VRK2: variants seen among roughly 807,000 people sequenced by gnomAD.
The protein encoded by VRK2 is serine/threonine-protein kinase VRK2.
In VRK2, 60 loss-of-function variants were observed where a neutral mutation model predicts 57.6. That is an observed-to-expected ratio of 1.04 (90% CI 0.85 to 1.29). The LOEUF (loss-of-function observed/expected upper bound fraction) is 1.29. VRK2 is among the 50% of genes most tolerant of loss of function. VRK2 has a pLI of 0.00. For missense variants in VRK2, 705 were observed against 588.1 expected (o/e 1.20, Z -2.06); for synonymous variants, 231 against 199.2 (o/e 1.16, Z -1.35).
intron 11 of VRK2, among the ~76,000 whole-genome samples, chr2:58,143,772 C>T (rs1472085803): frequency 2.0e-5 from 3 of 151,790 alleles, no homozygotes; most frequent in Admixed American, 6.6e-5. Context: ...GAGGTATCTG[C>T]ACTCCCATGT....
At chr2:58,008,616 A>T (rs1673326916) in intron 1 of VRK2, among the ~76,000 whole-genome samples, 1 of 152,146 alleles carries the variant, frequency 6.6e-6, no homozygotes, top group African/African-American at 2.4e-5. Flanking sequence ...AAAGAAAAAG[A>T]AAAAGGAATT....
At chr2:58,040,804 T>C (rs895168506) in intron 3 of VRK2, among the ~76,000 whole-genome samples, 1 of 152,190 alleles carries the variant, frequency 6.6e-6, no homozygotes, top group Non-Finnish European at 1.5e-5. Context: ...ATGGAGCACA[T>C]CTGAGATAGT....
intron 1 of VRK2, among the ~76,000 whole-genome samples, chr2:57,936,015 G>A (rs1007350263): frequency 4.6e-5 from 7 of 152,148 alleles, no homozygotes; most frequent in Middle Eastern, 3.2e-3. Flanking sequence ...ATCTGTGGGG[G>A]AGAAGGAAGT....
intron 1 of VRK2, among the ~76,000 whole-genome samples, chr2:57,919,487 A>G (rs1670266308): frequency 6.6e-6 from 1 of 152,040 alleles, no homozygotes. Flanking sequence ...GAATACAGTA[A>G]TAGTTTTAAG....
At chr2:58,139,890 A>G (rs1681071824) in intron 11 of VRK2, 58 bp downstream of exon 11, 1 of 1,473,896 alleles carries the variant, frequency 6.8e-7, no homozygotes, top group Non-Finnish European at 9.1e-7. Flanking sequence ...TTTCTATCGA[A>G]TGAAATTGTT....
At chr2:57,914,964 T>C (rs577981844) in intron 1 of VRK2, among the ~76,000 whole-genome samples, 6 of 152,162 alleles carry the variant, frequency 3.9e-5, no homozygotes, top group Non-Finnish European at 8.8e-5. Context: ...GTAGTTGTGA[T>C]GTTTACTGTT....
rs116329150 is a variant in VRK2, at chr2:57,947,718, C to T, written c.-439+39879C>T. Among the ~76,000 whole-genome samples, 1,106 of 152,252 alleles carry T rather than the reference C, an allele frequency of 7.3e-3. 16 individuals are homozygous for T. Among genetic ancestry groups the T allele is most frequent in the African/African-American group, 0.025 (1,042 of 41,542 alleles). On this transcript the variant is annotated intron_variant, in intron 1 of 15. Transcript: ENST00000417641. ...ATCACATGAGTTGTGTACCTGTTGC[C>T]TGACTCACACTTTTTTTCTGTATAG...
intron 1 of VRK2, among the ~76,000 whole-genome samples, chr2:57,989,535 TTTG>T (rs1672700101): frequency 6.6e-6 from 1 of 152,208 alleles, no homozygotes; most frequent in African/African-American, 2.4e-5. Context: ...TAATAAAAAT[TTTG>T]TTGTTTTCAT....
At chr2:57,920,780 G>A (rs562432633) in intron 1 of VRK2, among the ~76,000 whole-genome samples, 1 of 152,184 alleles carries the variant, frequency 6.6e-6, no homozygotes, top group East Asian at 1.9e-4. Flanking sequence ...AACTATGGGT[G>A]AGAATTCCTG....
chr2:58,068,530 G>A (rs1668935268), intron 2 of VRK2, among the ~76,000 whole-genome samples: 1 of 152,034 alleles, frequency 6.6e-6, no homozygotes, highest in Non-Finnish European at 1.5e-5. Context: ...CCTATTGGGG[G>A]TTCTTTGACA....
At chr2:58,057,747 TAGTC>T (rs1475288798) in intron 2 of VRK2, among the ~76,000 whole-genome samples, 3 of 152,192 alleles carry the variant, frequency 2.0e-5, no homozygotes, top group African/African-American at 7.2e-5. Context: ...GTTTTGTACA[TAGTC>T]AGAAGCTTTT....
chr2:58,018,497 AT>A (rs1450404672), intron 1 of VRK2, among the ~76,000 whole-genome samples: 2 of 152,188 alleles, frequency 1.3e-5, no homozygotes, highest in Non-Finnish European at 2.9e-5. Flanking sequence ...TGTTCCTCAA[AT>A]TTATATTTCA....
At chr2:58,036,298 G>A (rs955480539) in intron 3 of VRK2, among the ~76,000 whole-genome samples, 3 of 151,606 alleles carry the variant, frequency 2.0e-5, no homozygotes, top group African/African-American at 7.3e-5. Context: ...TTGCAAAAAA[G>A]GAATATATAT....
rs574827072 is a variant in VRK2 at position 57,958,582 on chromosome 2, G to A, written c.-439+50743G>A. Among the ~76,000 whole-genome samples the A allele has an allele frequency of 5.3e-5, 8 of 151,648 alleles. 1 individual carries two copies. Among genetic ancestry groups the A allele is most frequent in the African/African-American group, 1.9e-4 (8 of 41,214 alleles). On this transcript the variant is annotated intron_variant, in intron 1 of 15. Transcript: ENST00000417641. ...TTTTCTATTATTAAAAATAATAACC[G>A]ATTTTTATTTTTCCCTCATTTTGAT...
intron 1 of VRK2, among the ~76,000 whole-genome samples, chr2:58,009,780 G>T (rs992186470): frequency 5.3e-5 from 8 of 151,798 alleles, no homozygotes; most frequent in Non-Finnish European, 1.5e-5. Flanking sequence ...ATTTAGATAT[G>T]ATTCTTCTAT....
chr2:58,137,237 T>G (rs1458683854), intron 10 of VRK2, among the ~76,000 whole-genome samples: 1 of 132,484 alleles, frequency 7.5e-6, no homozygotes, highest in Non-Finnish European at 1.6e-5. Context: ...ATGATACATA[T>G]ATATCATATA....
chr2:58,027,636 A>G (rs968310138), intron 2 of VRK2, among the ~76,000 whole-genome samples: 1 of 152,200 alleles, frequency 6.6e-6, no homozygotes, highest in Non-Finnish European at 1.5e-5. Flanking sequence ...ATATAAATTA[A>G]AATTACTTTT....
intron 1 of VRK2, among the ~76,000 whole-genome samples, chr2:57,965,778 C>G (rs531169681): frequency 6.6e-6 from 1 of 152,098 alleles, no homozygotes; most frequent in Non-Finnish European, 1.5e-5. Context: ...GTCCAGACCC[C>G]GAACTGAGGT....
chr2:58,008,174 A>C (rs1275726229), intron 1 of VRK2, among the ~76,000 whole-genome samples: 1 of 152,134 alleles, frequency 6.6e-6, no homozygotes, highest in Non-Finnish European at 1.5e-5. Flanking sequence ...TTACAGTAGA[A>C]TAACTAAAAA....
Sources: gnomAD v4.1 joint callset for allele counts (sites outside exome capture counted in the v4.1 genomes callset) on GRCh38, gnomAD v4.1.1 for gene constraint, MANE v1.5 for transcripts, NCBI Gene and HGNC (gene_info 2026-07-23, HGNC 2026-07-21) for gene names.